The following ADAM10 variants were observed in gnomAD, a reference collection of about 807,000 sequenced individuals.
ADAM10 encodes the protein ADAM metallopeptidase domain 10.
Under a neutral mutation model 90.1 loss-of-function variants are expected in ADAM10, and 17 were observed. The observed-to-expected ratio is 0.19, with a 90% confidence interval of 0.13 to 0.28. ADAM10 has a LOEUF of 0.28. Ranked by LOEUF, ADAM10 falls within the 10% of genes least tolerant of loss-of-function variation. The pLI, the probability that ADAM10 is intolerant of heterozygous loss-of-function variation, is 1.00. For synonymous variants in ADAM10, 310 were observed against 298.6 expected, an observed-to-expected ratio of 1.04 and a Z score of -0.40; for missense variants, 610 against 914.3, an observed-to-expected ratio of 0.67 and a Z score of 4.29.
At chr15:58,745,488 C>A (rs148352415) in intron 1 of ADAM10, among the ~76,000 whole-genome samples, 1 of 152,230 alleles carries the variant, frequency 6.6e-6, no homozygotes, top group East Asian at 1.9e-4. Context: ...ATATTAAAGA[C>A]CTTCAAGCTG....
intron 2 of ADAM10, among the ~76,000 whole-genome samples, chr15:58,693,905 T>G (rs1396340311): frequency 1.3e-5 from 2 of 151,966 alleles, no homozygotes; most frequent in African/African-American, 4.8e-5. Context: ...CAAACAACAA[T>G]GTGAAAAAAT....
At chr15:58,665,309 C>G (rs980081104) in intron 4 of ADAM10, 112 bp from the exon 5 acceptor site, 4 of 866,908 alleles carry the variant, frequency 4.6e-6, no homozygotes, top group Middle Eastern at 2.6e-4. Context: ...ACCATAAATG[C>G]TTATTAAGCA....
rs568418150 is a variant in ADAM10 at position 58,655,687 on chromosome 15, T to G, written c.585+9410A>C. 2.3e-3 allele frequency among the ~76,000 whole-genome samples: 186 copies of G among 80,268 alleles called. 6 individuals carry two copies. The highest frequency in any genetic ancestry group is 0.011 in the African/African-American group (170 of 15,844). 52.7% of individuals were successfully genotyped at this position (80,268 alleles called of 152,430 possible). A position where few individuals can be genotyped will look rare whatever the true frequency, so the allele number is the denominator to read the frequency against. ...ATACATACATACATACATATATATATTATATATAGTATATATATATATAGT... is the reference window on the plus strand; with the variant it reads ...ATACATACATACATACATATATATAGTATATATAGTATATATATATATAGT... On this transcript the variant is annotated intron_variant, in intron 5 of 15. Transcript: ENST00000260408.
chr15:58,618,154 T>C (rs1895674185), intron 11 of ADAM10, among the ~76,000 whole-genome samples: 1 of 152,132 alleles, frequency 6.6e-6, no homozygotes, highest in Non-Finnish European at 1.5e-5. Context: ...TAAAACAGCA[T>C]GATACTGACA....
intron 2 of ADAM10, among the ~76,000 whole-genome samples, chr15:58,714,625 A>G (rs535344836): frequency 2.6e-5 from 4 of 152,312 alleles, no homozygotes; most frequent in Admixed American, 6.5e-5. Context: ...AGGCTGGGCT[A>G]CAAGTAACTC....
At chr15:58,692,672 T>C (rs551631347) in intron 2 of ADAM10, 59 of 561,978 alleles carry the variant, frequency 1.0e-4, no homozygotes, top group South Asian at 8.1e-4. Flanking sequence ...TTGGTATCCC[T>C]GTCAATGGGC....
At position 58,597,335 on chromosome 15, in the gene ADAM10, G is replaced by A; in HGVS notation, c.*212C>T. 6.7e-7 allele frequency: 1 copy of A among 1,500,372 alleles called. No individual in the cohort carries two copies. The highest frequency in any genetic ancestry group is 1.4e-5 in the African/African-American group (1 of 71,126). The allele number at this position is 1,500,372 out of a possible 1,614,324, so 92.9% of individuals were successfully genotyped here. ...AAAAATATCTGTTCATAAGAAAATT[G>A]GGTTCCTTTTCCACCTCCCACCCCC... On this transcript the variant is annotated 3_prime_UTR_variant, in exon 16 of 16. Coordinates refer to ENST00000260408, the MANE Select transcript of ADAM10 (RefSeq NM_001110.4).
intron 2 of ADAM10, among the ~76,000 whole-genome samples, chr15:58,693,401 G>A (rs552552847): frequency 1.3e-4 from 20 of 152,230 alleles, no homozygotes; most frequent in South Asian, 4.1e-4. Context: ...CCAAACAGTG[G>A]CATAAAAATA....
At chr15:58,691,461 G>T in intron 2 of ADAM10, 1 of 647,512 alleles carries the variant, frequency 1.5e-6, no homozygotes, top group Admixed American at 1.8e-5. Flanking sequence ...GGACTTCTGT[G>T]CCTCCTTCAT....
chr15:58,719,522 T>C (rs1306242319), intron 1 of ADAM10, among the ~76,000 whole-genome samples: 1 of 152,162 alleles, frequency 6.6e-6, no homozygotes, highest in Non-Finnish European at 1.5e-5. Flanking sequence ...TCATCTATTA[T>C]CCAACACTAA....
intron 8 of ADAM10, among the ~76,000 whole-genome samples, chr15:58,634,172 G>A (rs1292994033): frequency 2.6e-5 from 4 of 151,862 alleles, no homozygotes; most frequent in African/African-American, 9.7e-5. Context: ...TTAGCTGGGT[G>A]TGGTGGTGCA....
chr15:58,605,164 C>T (rs560328910), intron 14 of ADAM10, among the ~76,000 whole-genome samples: 11 of 152,274 alleles, frequency 7.2e-5, no homozygotes, highest in Admixed American at 5.9e-4. Context: ...AGAACCTAGT[C>T]GCAGTTTAGA....
In ADAM10 at chr15:58,692,082, G is replaced by C. The variant is rs779695660; in HGVS notation, c.207-9768C>G. The C allele has an allele frequency of 6.3e-6, 3 of 478,116 alleles. 1 individual carries two copies. In the Admixed American group the frequency reaches 6.9e-5, roughly 11 times the overall value. The allele number at this position is 478,116 out of a possible 1,614,324, so 29.6% of individuals were successfully genotyped here. On this transcript the variant is annotated intron_variant, in intron 2 of 15. Coordinates refer to ENST00000260408, the MANE Select transcript of ADAM10 (RefSeq NM_001110.4). ...GATCCTTAAGAGTCAACCATACCACGGACAAAGCCGACATACTCTGGCATC... is the reference window on the plus strand; with the variant it reads ...GATCCTTAAGAGTCAACCATACCACCGACAAAGCCGACATACTCTGGCATC...
rs201584026 is a variant in ADAM10, at chr15:58,621,654, G to A, written c.1361-33C>T. The A allele has an allele frequency of 7.1e-5, 115 of 1,611,716 alleles. 1 individual carries two copies. The South Asian group carries it at 9.1e-4, about 13-fold the overall frequency. On this transcript the variant is annotated intron_variant, in intron 10 of 15. Coordinates refer to ENST00000260408, the MANE Select transcript of ADAM10 (RefSeq NM_001110.4). ...AAATAAACAAGACAAAGTAAGCATT[G>A]TGTGCACACATTAATTTTATTTAAA... is the stretch of plus-strand genomic sequence containing the variant.
At chr15:58,640,692 C>T (rs1596019007) in intron 8 of ADAM10, 85 bp downstream of exon 8, 2 of 1,305,898 alleles carry the variant, frequency 1.5e-6, no homozygotes, top group East Asian at 5.0e-5. Flanking sequence ...ATCACTTTCT[C>T]CTATACTTTG....
At chr15:58,739,020 A>C (rs1266233215) in intron 1 of ADAM10, among the ~76,000 whole-genome samples, 1 of 152,042 alleles carries the variant, frequency 6.6e-6, no homozygotes, top group African/African-American at 2.4e-5. Context: ...CCCTTTTCCC[A>C]TAAGATATCC....
chr15:58,644,696 C>T (rs1896505526), intron 6 of ADAM10, among the ~76,000 whole-genome samples: 1 of 152,210 alleles, frequency 6.6e-6, no homozygotes, highest in Non-Finnish European at 1.5e-5. Flanking sequence ...CCTGATGGCT[C>T]AGGACACACA....
At chr15:58,688,786 A>ATATACATATATATATATATATATATCTC in intron 2 of ADAM10, among the ~76,000 whole-genome samples, 1 of 122,378 alleles carries the variant, frequency 8.2e-6, no homozygotes, top group South Asian at 2.9e-4. Context: ...ATATATATAT[A>ATATACATATATATATATATATATATCTC]TCTCTCTCTC....
At chr15:58,599,328 AAAAC>A (rs1181533330) in intron 15 of ADAM10, among the ~76,000 whole-genome samples, 1 of 152,022 alleles carries the variant, frequency 6.6e-6, no homozygotes, top group Non-Finnish European at 1.5e-5. Flanking sequence ...TAAAAAAAAA[AAAAC>A]AAGAAAACAA....
Sources: allele counts gnomAD v4.1 joint callset (sites outside exome capture counted in the v4.1 genomes callset), GRCh38; gene constraint gnomAD v4.1.1; transcripts MANE v1.5; gene names NCBI Gene and HGNC (gene_info 2026-07-23, HGNC 2026-07-21).